The following TRHDE variants were observed in gnomAD, a reference collection of about 807,000 sequenced individuals.
The protein encoded by TRHDE is thyrotropin-releasing hormone-degrading ectoenzyme.
In TRHDE, 72 loss-of-function variants were observed where a neutral mutation model predicts 125.7. The ratio of observed to expected loss-of-function variants is 0.57; its 90% CI spans 0.47 to 0.70. TRHDE has a LOEUF of 0.70. Ranked by LOEUF, TRHDE falls within the 30% of genes least tolerant of loss-of-function variation. The pLI, the probability that TRHDE is intolerant of heterozygous loss-of-function variation, is 0.00. For synonymous variants in TRHDE, 509 were observed against 509.1 expected, an observed-to-expected ratio of 1.00 and a Z score of 0.00; for missense variants, 1,110 against 1,327.1, an observed-to-expected ratio of 0.84 and a Z score of 2.54.
At chr12:72,129,215 G>A (rs61924309) in intron 2 of TRHDE, among the ~76,000 whole-genome samples, 7 of 152,076 alleles carry the variant, frequency 4.6e-5, no homozygotes, top group African/African-American at 7.2e-5. Context: ...ACATCTGAAA[G>A]CTAAAAAAAT....
intron 2 of TRHDE, among the ~76,000 whole-genome samples, chr12:72,148,671 T>G (rs1391117032): frequency 6.6e-6 from 1 of 152,230 alleles, no homozygotes; most frequent in Admixed American, 6.5e-5. Context: ...TTAAGTGTCA[T>G]AAAACAATTT....
intron 2 of TRHDE, among the ~76,000 whole-genome samples, chr12:72,319,068 G>C (rs542563448): frequency 7.9e-5 from 12 of 152,218 alleles, no homozygotes; most frequent in African/African-American, 2.4e-4. Flanking sequence ...TTGAATGAAT[G>C]GGTAGGATGG....
chr12:72,236,029 A>G (rs1389194189), intron 2 of TRHDE, among the ~76,000 whole-genome samples: 2 of 152,204 alleles, frequency 1.3e-5, no homozygotes, highest in Non-Finnish European at 1.5e-5. Context: ...TGGTTTTATG[A>G]AAGTATACTG....
rs535367879 is a variant in TRHDE at position 72,665,743 on chromosome 12, G to A, written c.*2548G>A. ...CAACCTCCAGCCATAGCAATTTGCT[G>A]TGCCAATATGTGTACAAAAAAGTAG... On this transcript the variant is annotated 3_prime_UTR_variant, in exon 19 of 19. Coordinates refer to ENST00000261180, the MANE Select transcript of TRHDE (RefSeq NM_013381.3). The A allele has an allele frequency of 1.4e-4, 22 of 152,104 alleles. No homozygotes were observed. The highest frequency in any genetic ancestry group is 9.7e-4 in the East Asian group (5 of 5,158). 9.4% of individuals were successfully genotyped at this position (152,104 alleles called of 1,614,324 possible).
chr12:72,142,349 G>A (rs1333290306), intron 2 of TRHDE, among the ~76,000 whole-genome samples: 1 of 151,938 alleles, frequency 6.6e-6, no homozygotes, highest in Non-Finnish European at 1.5e-5. Context: ...CTCCACTTCT[G>A]CTCTGGAACG....
At chr12:72,149,549 A>G (rs547598341) in intron 2 of TRHDE, among the ~76,000 whole-genome samples, 1 of 152,292 alleles carries the variant, frequency 6.6e-6, no homozygotes, top group East Asian at 1.9e-4. Context: ...AAGCAAGATT[A>G]GAGTTGTGTT....
At chr12:72,566,263 T>C (rs1177405812) in intron 9 of TRHDE, among the ~76,000 whole-genome samples, 1 of 151,934 alleles carries the variant, frequency 6.6e-6, no homozygotes, top group East Asian at 1.9e-4. Flanking sequence ...GTTATGTGTG[T>C]GCATACACAG....
chr12:72,567,426 C>A (rs749656646), intron 9 of TRHDE, among the ~76,000 whole-genome samples: 26 of 151,738 alleles, frequency 1.7e-4, no homozygotes, highest in Non-Finnish European at 2.8e-4. Flanking sequence ...TTTCTTCCAA[C>A]CTTCCATTTG....
intron 2 of TRHDE, among the ~76,000 whole-genome samples, chr12:72,310,075 A>C (rs1868468772): frequency 6.6e-6 from 1 of 152,168 alleles, no homozygotes; most frequent in Admixed American, 6.5e-5. Flanking sequence ...AGAATAATGG[A>C]AGATGCTATG....
At chr12:72,203,201 C>T (rs1368375314) in intron 2 of TRHDE, among the ~76,000 whole-genome samples, 1 of 152,126 alleles carries the variant, frequency 6.6e-6, no homozygotes, top group Admixed American at 6.5e-5. Flanking sequence ...GTGGCTCACA[C>T]CTGTAATCCC....
chr12:72,597,732 T>TAC (rs1268478427), intron 12 of TRHDE, among the ~76,000 whole-genome samples: 1 of 7,626 alleles, frequency 1.3e-4, no homozygotes, highest in Admixed American at 2.3e-3. Context: ...TATATATATA[T>TAC]ATATATATAT....
intron 15 of TRHDE, among the ~76,000 whole-genome samples, chr12:72,623,208 T>C (rs1565813792): frequency 6.6e-6 from 1 of 152,038 alleles, no homozygotes; most frequent in Non-Finnish European, 1.5e-5. Flanking sequence ...ATAAAAAAGA[T>C]GAAACATATT....
chr12:72,531,553 G>T (rs1352658331), intron 6 of TRHDE, among the ~76,000 whole-genome samples: 2 of 151,934 alleles, frequency 1.3e-5, no homozygotes, highest in East Asian at 3.8e-4. Context: ...TCATAAAGAT[G>T]TGCTTTTTTT....
intron 2 of TRHDE, among the ~76,000 whole-genome samples, chr12:72,302,786 C>T (rs774673008): frequency 2.6e-5 from 4 of 152,178 alleles, no homozygotes; most frequent in Non-Finnish European, 5.9e-5. Context: ...AACCACAGAT[C>T]TGCTGAGGAA....
chr12:72,428,322 G>T (rs1874276236), intron 3 of TRHDE, among the ~76,000 whole-genome samples: 1 of 152,020 alleles, frequency 6.6e-6, no homozygotes, highest in Admixed American at 6.6e-5. Context: ...TGTGTCATTT[G>T]TAAGCAATGT....
chr12:72,494,039 C>A (rs1441376103), intron 5 of TRHDE, among the ~76,000 whole-genome samples: 3 of 151,884 alleles, frequency 2.0e-5, no homozygotes, highest in Admixed American at 6.6e-5. Flanking sequence ...CTTTCTTATC[C>A]CAGAACCAGG....
At chr12:72,392,681 A>T (rs933550600) in intron 3 of TRHDE, among the ~76,000 whole-genome samples, 10 of 152,192 alleles carry the variant, frequency 6.6e-5, no homozygotes, top group African/African-American at 2.2e-4. Flanking sequence ...ACTAAAACAG[A>T]TGGTTGGCCA....
intron 1 of TRHDE, among the ~76,000 whole-genome samples, chr12:72,097,806 G>A (rs1473395147): frequency 2.0e-5 from 3 of 151,910 alleles, no homozygotes; most frequent in South Asian, 2.1e-4. Flanking sequence ...CCTTTTTGTG[G>A]TTTGTCACAG....
intron 3 of TRHDE, among the ~76,000 whole-genome samples, chr12:72,457,930 C>G (rs990973512): frequency 1.3e-5 from 2 of 152,150 alleles, no homozygotes; most frequent in Non-Finnish European, 1.5e-5. Context: ...AAATGTGAAT[C>G]TGTCAATTAA....
Sources: allele counts gnomAD v4.1 joint callset (sites outside exome capture counted in the v4.1 genomes callset), GRCh38; gene constraint gnomAD v4.1.1; transcripts MANE v1.5; gene names NCBI Gene and HGNC (gene_info 2026-07-23, HGNC 2026-07-21).